Variants in BCKDHB observed in about 807,000 individuals in gnomAD.
BCKDHB encodes the protein 2-oxoisovalerate dehydrogenase subunit beta, mitochondrial.
Under a neutral mutation model 48.5 loss-of-function variants are expected in BCKDHB, and 41 were observed. The ratio of observed to expected loss-of-function variants is 0.85; its 90% CI spans 0.66 to 1.10. The LOEUF is 1.10. Among genes scored for constraint, BCKDHB ranks in the 50% least tolerant of loss-of-function variants. The pLI, the probability that BCKDHB is intolerant of heterozygous loss-of-function variation, is 0.00. For missense variants in BCKDHB, 496 were observed against 494.2 expected (o/e 1.00, Z -0.03); for synonymous variants, 201 against 174.8 (o/e 1.15, Z -1.18).
At chr6:80,207,382 G>A (rs1163651482) in intron 8 of BCKDHB, among the ~76,000 whole-genome samples, 1 of 151,952 alleles carries the variant, frequency 6.6e-6, no homozygotes, top group East Asian at 1.9e-4. Flanking sequence ...TGTAACAACT[G>A]AAATAACAGG....
chr6:80,164,138 T>C lies in BCKDHB; in HGVS notation c.344-3540T>C, dbSNP rs146126338. The stretch of plus-strand genomic sequence containing the variant: ...TCCTGTTTTTCTCACTCACCTGCTC[T>C]CTGACTCGCTCTCACAGTAAAAGAG... On this transcript the variant is annotated intron_variant, in intron 3 of 9. Coordinates refer to ENST00000320393, the MANE Select transcript of BCKDHB (RefSeq NM_183050.4). Among the ~76,000 whole-genome samples, 265 of 152,284 alleles carry C rather than the reference T, an allele frequency of 1.7e-3. 1 individual carries two copies. Among genetic ancestry groups the C allele is most frequent in the African/African-American group, 6.0e-3 (251 of 41,556 alleles).
intron 8 of BCKDHB, among the ~76,000 whole-genome samples, chr6:80,238,614 A>G (rs1323390266): frequency 1.3e-5 from 2 of 150,912 alleles, no homozygotes; most frequent in African/African-American, 4.9e-5. Flanking sequence ...TTTATTTTTT[A>G]TTATACTTTA....
rs149321334 is a variant in BCKDHB, at chr6:80,215,220, C to G, written c.951+12008C>G. On this transcript the variant is annotated intron_variant, in intron 8 of 9. Transcript: ENST00000320393. ...CAGAGAAAACAGGTAGGGCGGTGCC[C>G]TCCTCTCAGATGAGAATAGTTTGTT... Among the ~76,000 whole-genome samples, 266 of 152,310 alleles carry G rather than the reference C, an allele frequency of 1.7e-3. 1 individual carries two copies. Among genetic ancestry groups the G allele is most frequent in the African/African-American group, 6.1e-3 (255 of 41,562 alleles).
At chr6:80,427,240 G>T in the BCKDHB span, among the ~76,000 whole-genome samples, 2 of 151,772 alleles carry the variant, frequency 1.3e-5, no homozygotes, top group Non-Finnish European at 2.9e-5. Flanking sequence ...CTAATTCTTG[G>T]ATTTGTTTTT....
intron 8 of BCKDHB, among the ~76,000 whole-genome samples, chr6:80,234,748 G>C (rs1288440647): frequency 6.6e-6 from 1 of 152,078 alleles, no homozygotes; most frequent in Non-Finnish European, 1.5e-5. Context: ...CATGTGTGTT[G>C]CAGCACAATT....
At chr6:80,283,185 T>C (rs1268913736) in intron 9 of BCKDHB, among the ~76,000 whole-genome samples, 1 of 152,130 alleles carries the variant, frequency 6.6e-6, no homozygotes, top group African/African-American at 2.4e-5. Context: ...TTCAGATTAT[T>C]TAATTTTTCT....
At chr6:80,221,469 A>G (rs1582387232) in intron 8 of BCKDHB, among the ~76,000 whole-genome samples, 1 of 152,166 alleles carries the variant, frequency 6.6e-6, no homozygotes, top group Non-Finnish European at 1.5e-5. Flanking sequence ...AATAGGCAGC[A>G]TAATTTGTGT....
chr6:80,214,056 C>T (rs1227128200), intron 8 of BCKDHB, among the ~76,000 whole-genome samples: 1 of 152,138 alleles, frequency 6.6e-6, no homozygotes, highest in African/African-American at 2.4e-5. Context: ...CTATAGAAGA[C>T]TTCACTGGGG....
At chr6:80,394,804 T>C in the BCKDHB span, among the ~76,000 whole-genome samples, 5 of 152,150 alleles carry the variant, frequency 3.3e-5, no homozygotes, top group Admixed American at 6.5e-5. Context: ...TCATCTTGTA[T>C]TGTAGTTCCC....
chr6:80,310,547 G>C (rs1382728394), intron 9 of BCKDHB, among the ~76,000 whole-genome samples: 1 of 152,198 alleles, frequency 6.6e-6, no homozygotes, highest in Non-Finnish European at 1.5e-5. Context: ...ATTGTGAATA[G>C]TACTGCATTG....
At chr6:80,247,243 G>C (rs1177423026) in intron 8 of BCKDHB, among the ~76,000 whole-genome samples, 1 of 152,174 alleles carries the variant, frequency 6.6e-6, no homozygotes, top group Non-Finnish European at 1.5e-5. Flanking sequence ...TTTGTCCTTG[G>C]CTGTATCTGT....
chr6:80,165,824 T>G (rs1772541587), intron 3 of BCKDHB, among the ~76,000 whole-genome samples: 1 of 152,178 alleles, frequency 6.6e-6, no homozygotes, highest in African/African-American at 2.4e-5. Flanking sequence ...GGAGAGATTA[T>G]TTGCTGCTGG....
At chr6:80,372,010 G>A in the BCKDHB span, among the ~76,000 whole-genome samples, 2 of 151,854 alleles carry the variant, frequency 1.3e-5, no homozygotes, top group African/African-American at 2.4e-5. Flanking sequence ...TTTCCTAGAT[G>A]TGTGAAGACT....
At chr6:80,215,965 C>T (rs371139769) in intron 8 of BCKDHB, among the ~76,000 whole-genome samples, 1 of 152,182 alleles carries the variant, frequency 6.6e-6, no homozygotes, top group South Asian at 2.1e-4. Flanking sequence ...TGGTCTTGAT[C>T]TCCTGACCTC....
At chr6:80,297,890 A>C (rs913219983) in intron 9 of BCKDHB, among the ~76,000 whole-genome samples, 23 of 152,198 alleles carry the variant, frequency 1.5e-4, no homozygotes, top group Non-Finnish European at 1.2e-4. Flanking sequence ...CACACAATGC[A>C]GTGCAAAACA....
chr6:80,448,335 C>T, the BCKDHB span, among the ~76,000 whole-genome samples: 9 of 152,090 alleles, frequency 5.9e-5, no homozygotes, highest in African/African-American at 9.7e-5. Context: ...CTGAGTGAAG[C>T]CTTTGAAAGA....
At chr6:80,289,240 G>A (rs983197975) in intron 9 of BCKDHB, among the ~76,000 whole-genome samples, 28 of 151,976 alleles carry the variant, frequency 1.8e-4, no homozygotes, top group African/African-American at 6.5e-4. Context: ...TCTAAAATGC[G>A]AGCTAAAAAT....
the BCKDHB span, among the ~76,000 whole-genome samples, chr6:80,431,354 A>T: frequency 6.6e-6 from 1 of 152,312 alleles, no homozygotes; most frequent in East Asian, 1.9e-4. Context: ...TCCAGAGCTG[A>T]GTCCAAGTCC....
At chr6:80,186,461 G>A (rs974139018) in intron 6 of BCKDHB, among the ~76,000 whole-genome samples, 3 of 152,180 alleles carry the variant, frequency 2.0e-5, no homozygotes, top group African/African-American at 7.2e-5. Flanking sequence ...TGGGGAGAGC[G>A]GATAGATCTT....
Sources: gnomAD v4.1 joint callset for allele counts (sites outside exome capture counted in the v4.1 genomes callset) on GRCh38, gnomAD v4.1.1 for gene constraint, MANE v1.5 for transcripts, NCBI Gene and HGNC (gene_info 2026-07-23, HGNC 2026-07-21) for gene names.